The following MTUS2 variants were observed in gnomAD, a reference collection of about 807,000 sequenced individuals.
The protein encoded by MTUS2 is microtubule associated scaffold protein 2.
In MTUS2, 40 loss-of-function variants were observed where a neutral mutation model predicts 114.1. The observed-to-expected ratio is 0.35, with a 90% CI of 0.27 to 0.46. The LOEUF (loss-of-function observed/expected upper bound fraction) is 0.46. Among genes scored for constraint, MTUS2 ranks in the 20% least tolerant of loss-of-function variants. The pLI is 1.00. For synonymous variants in MTUS2, 688 were observed against 672.0 expected, an observed-to-expected ratio of 1.02 and a Z score of -0.37; for missense variants, 1,679 against 1,705.4, an observed-to-expected ratio of 0.98 and a Z score of 0.27.
chr13:29,333,286 C>A (rs1227665700), intron 7 of MTUS2, among the ~76,000 whole-genome samples: 2 of 152,118 alleles, frequency 1.3e-5, no homozygotes, highest in African/African-American at 4.8e-5. Flanking sequence ...TAACCTCCAC[C>A]TCCTGGGTTC....
At chr13:29,018,224 T>G (rs1474730475) in intron 2 of MTUS2, among the ~76,000 whole-genome samples, 1 of 152,160 alleles carries the variant, frequency 6.6e-6, no homozygotes, top group African/African-American at 2.4e-5. Flanking sequence ...TCTGGAAACA[T>G]GTAGGCCCAG....
intron 5 of MTUS2, among the ~76,000 whole-genome samples, chr13:29,272,422 T>C (rs1897914519): frequency 6.6e-6 from 1 of 152,234 alleles, no homozygotes; most frequent in Non-Finnish European, 1.5e-5. Flanking sequence ...ACTGTTTTGC[T>C]TTTCTTCTGC....
chr13:29,328,261 G>A (rs941440727), intron 7 of MTUS2, among the ~76,000 whole-genome samples: 26 of 152,364 alleles, frequency 1.7e-4, no homozygotes, highest in Non-Finnish European at 2.9e-4. Context: ...TACATTTTGA[G>A]TCAGTATGAG....
At chr13:29,035,838 C>CAAAGAA (rs879893955) in intron 4 of MTUS2, among the ~76,000 whole-genome samples, 43 of 151,914 alleles carry the variant, frequency 2.8e-4, no homozygotes, top group African/African-American at 1.0e-3. Flanking sequence ...TCTGGAATAA[C>CAAAGAA]AAAGAAAAAG....
At chr13:29,317,229 T>G (rs1339250659) in intron 6 of MTUS2, among the ~76,000 whole-genome samples, 1 of 152,208 alleles carries the variant, frequency 6.6e-6, no homozygotes, top group Non-Finnish European at 1.5e-5. Flanking sequence ...TACATGTGTG[T>G]TGAAATGGAA....
At chr13:29,028,283 G>A (rs981500538) in intron 3 of MTUS2, among the ~76,000 whole-genome samples, 5 of 152,176 alleles carry the variant, frequency 3.3e-5, no homozygotes, top group Admixed American at 3.3e-4. Flanking sequence ...CCCAGGATGT[G>A]GAGGTTGCAG....
intron 5 of MTUS2, among the ~76,000 whole-genome samples, chr13:29,239,097 C>T (rs796066204): frequency 2.6e-5 from 4 of 152,004 alleles, no homozygotes; most frequent in African/African-American, 9.7e-5. Context: ...AGAGTCATCC[C>T]CAAGTGTTCT....
intron 8 of MTUS2, among the ~76,000 whole-genome samples, chr13:29,403,179 CT>C (rs1196866773): frequency 6.6e-6 from 1 of 152,188 alleles, no homozygotes. Context: ...CCCTTTGCCC[CT>C]GGGCCCTGTG....
At chr13:29,325,947 C>G (rs1002322088) in intron 7 of MTUS2, among the ~76,000 whole-genome samples, 1 of 152,082 alleles carries the variant, frequency 6.6e-6, no homozygotes, top group Non-Finnish European at 1.5e-5. Context: ...CACTGTTAAC[C>G]CAGCAGCATG....
intron 1 of MTUS2, among the ~76,000 whole-genome samples, chr13:28,825,044 C>T (rs537725129): frequency 2.4e-3 from 369 of 152,238 alleles, no homozygotes; most frequent in Non-Finnish European, 3.5e-3. Context: ...AGCTGCAGGC[C>T]GCAGTGGGGG....
chr13:29,444,671 G>A (rs188609306), intron 9 of MTUS2, among the ~76,000 whole-genome samples: 1 of 152,362 alleles, frequency 6.6e-6, no homozygotes, highest in Non-Finnish European at 1.5e-5. Flanking sequence ...GGACAGGGTT[G>A]AGGCAGGGAG....
intron 2 of MTUS2, among the ~76,000 whole-genome samples, chr13:28,985,072 T>G (rs975391642): frequency 1.3e-5 from 2 of 152,180 alleles, no homozygotes; most frequent in Non-Finnish European, 2.9e-5. Flanking sequence ...TGCCCCAGAT[T>G]AGGAGAAGAT....
At chr13:29,292,532 G>T (rs1898760458) in intron 6 of MTUS2, among the ~76,000 whole-genome samples, 2 of 152,164 alleles carry the variant, frequency 1.3e-5, no homozygotes, top group Admixed American at 6.5e-5. Context: ...AGTAATTAGA[G>T]TGAGAGTGAG....
intron 2 of MTUS2, among the ~76,000 whole-genome samples, chr13:29,006,055 C>T (rs1186036797): frequency 6.6e-6 from 1 of 152,206 alleles, no homozygotes; most frequent in Non-Finnish European, 1.5e-5. Context: ...GTTTCTAGAA[C>T]AGAGACTAAA....
At chr13:29,255,907 T>A (rs1480947033) in intron 5 of MTUS2, among the ~76,000 whole-genome samples, 1 of 152,246 alleles carries the variant, frequency 6.6e-6, no homozygotes, top group African/African-American at 2.4e-5. Flanking sequence ...ATTTGAAGTC[T>A]GACCCTGTAT....
intron 5 of MTUS2, among the ~76,000 whole-genome samples, chr13:29,166,349 C>G (rs866405964): frequency 7.9e-5 from 12 of 152,208 alleles, no homozygotes; most frequent in Middle Eastern, 3.4e-3. Flanking sequence ...AGATATGAAC[C>G]CTCTGACCAA....
In MTUS2 at chr13:29,077,894, A is replaced by G. The variant is rs181547383; in HGVS notation, c.2447-22879A>G. 1.1e-3 allele frequency among the ~76,000 whole-genome samples: 169 copies of G among 152,344 alleles called. 1 individual carries two copies. The highest frequency in any genetic ancestry group is 3.9e-3 in the African/African-American group (163 of 41,590). On this transcript the variant is annotated intron_variant, in intron 4 of 15. Coordinates refer to ENST00000612955, the MANE Select transcript of MTUS2 (RefSeq NM_001033602.4). ...GATTGAGATATTTTTGTAACATTAC[A>G]GAGTCATTAAAAGGAGAATCAATAC... is the stretch of plus-strand genomic sequence containing the variant.
chr13:29,447,529 G>A (rs766966132), intron 9 of MTUS2, among the ~76,000 whole-genome samples: 8 of 151,312 alleles, frequency 5.3e-5, no homozygotes, highest in Admixed American at 2.0e-4. Context: ...ATAATTACCC[G>A]TTTGGGGAAA....
At chr13:29,251,102 T>C (rs903455828) in intron 5 of MTUS2, among the ~76,000 whole-genome samples, 2 of 152,178 alleles carry the variant, frequency 1.3e-5, no homozygotes, top group African/African-American at 4.8e-5. Flanking sequence ...TAATTTATAA[T>C]ATAAAGTTGT....
Sources: allele counts gnomAD v4.1 joint callset (sites outside exome capture counted in the v4.1 genomes callset), GRCh38; gene constraint gnomAD v4.1.1; transcripts MANE v1.5; gene names NCBI Gene and HGNC (gene_info 2026-07-23, HGNC 2026-07-21).